KDM4B: variants seen among roughly 807,000 people sequenced by gnomAD.
KDM4B encodes lysine-specific demethylase 4B.
Under a neutral mutation model 125.2 loss-of-function variants are expected in KDM4B, and 32 were observed. The ratio of observed to expected loss-of-function variants is 0.26; its 90% CI spans 0.19 to 0.34. The LOEUF (loss-of-function observed/expected upper bound fraction) is 0.34. KDM4B is among the 10% of genes least tolerant of loss of function. The pLI is 1.00. For synonymous variants in KDM4B, 721 were observed against 677.9 expected (o/e 1.06, Z -0.99); for missense variants, 1,190 against 1,577.7 (o/e 0.75, Z 4.16).
chr19:5,051,721 TC>T (rs2037230584), intron 6 of KDM4B, among the ~76,000 whole-genome samples: 1 of 152,234 alleles, frequency 6.6e-6, no homozygotes, highest in Non-Finnish European at 1.5e-5. Flanking sequence ...AGGGGGGTCA[TC>T]CTGCACCCAG....
chr19:5,152,350 G>A lies in KDM4B; in HGVS notation c.*839G>A, dbSNP rs2039963094. On this transcript the variant is annotated 3_prime_UTR_variant, in exon 23 of 23. Coordinates refer to ENST00000159111, the MANE Select transcript of KDM4B (RefSeq NM_015015.3). ...TTTGCAGAATAAACTCTCTCCTGGGGTTTGTCTATCTTTGTTTCTCTCACC... is the reference window on the plus strand; with the variant it reads ...TTTGCAGAATAAACTCTCTCCTGGGATTTGTCTATCTTTGTTTCTCTCACC... The A allele has an allele frequency of 6.6e-6, 1 of 152,226 alleles. No individual in the cohort carries two copies. Among genetic ancestry groups the A allele is most frequent in the Non-Finnish European group, 1.5e-5 (1 of 68,054 alleles). 9.4% of individuals were successfully genotyped at this position (152,226 alleles called of 1,614,324 possible). A position where few individuals can be genotyped will look rare whatever the true frequency, so the allele number is the denominator to read the frequency against.
chr19:5,129,933 C>A (rs185976843), intron 11 of KDM4B, among the ~76,000 whole-genome samples: 2 of 152,332 alleles, frequency 1.3e-5, no homozygotes, highest in Admixed American at 6.5e-5. Context: ...GGGATTGCCC[C>A]GGCACGAGCT....
intron 21 of KDM4B, among the ~76,000 whole-genome samples, chr19:5,146,584 A>G (rs1345730806): frequency 2.6e-5 from 4 of 152,162 alleles, no homozygotes; most frequent in Non-Finnish European, 5.9e-5. Context: ...CAGCAGCAAA[A>G]GAGAATAATC....
rs186660628 is a variant in KDM4B, at chr19:5,115,703, C to T, written c.1116-3950C>T. ...AGTGAGTGCAGGGCCCTGGAGTGGGCCGGGACTTTGCATTATGGAAAAAGA... is the reference window on the plus strand; with the variant it reads ...AGTGAGTGCAGGGCCCTGGAGTGGGTCGGGACTTTGCATTATGGAAAAAGA... On this transcript the variant is annotated intron_variant, in intron 10 of 22. Coordinates refer to ENST00000159111, the MANE Select transcript of KDM4B (RefSeq NM_015015.3). The surrounding 1 kb of genome is among the most constrained non-coding windows in gnomAD (Gnocchi z 4.2). Among the ~76,000 whole-genome samples the T allele has an allele frequency of 1.2e-3, 183 of 152,314 alleles. No individual in the cohort carries two copies. The highest frequency in any genetic ancestry group is 2.0e-3 in the Non-Finnish European group (133 of 68,018).
intron 9 of KDM4B, among the ~76,000 whole-genome samples, chr19:5,101,028 C>G (rs544978949): frequency 6.6e-6 from 1 of 151,038 alleles, no homozygotes; most frequent in Non-Finnish European, 1.5e-5. Context: ...CAAGACCAGC[C>G]TGGCCAACAT....
intron 1 of KDM4B, among the ~76,000 whole-genome samples, chr19:5,007,027 C>T (rs931158812): frequency 5.3e-5 from 8 of 152,112 alleles, no homozygotes; most frequent in Admixed American, 1.3e-4. Flanking sequence ...TGGTGAGGAC[C>T]AGGCGCAGAC....
chr19:5,063,843 C>T (rs558979599), intron 6 of KDM4B, among the ~76,000 whole-genome samples: 1 of 152,372 alleles, frequency 6.6e-6, no homozygotes, highest in East Asian at 1.9e-4. Flanking sequence ...CTGTGTGTCC[C>T]TGGCCCGGTC....
intron 7 of KDM4B, among the ~76,000 whole-genome samples, chr19:5,072,249 G>A (rs898805154): frequency 6.6e-6 from 1 of 152,180 alleles, no homozygotes; most frequent in Non-Finnish European, 1.5e-5. Flanking sequence ...GGAAATAAGG[G>A]TCTCCTGTCC....
At position 5,099,089 on chromosome 19, in the gene KDM4B, G is replaced by A. The variant is rs575820223; in HGVS notation, c.919-11533G>A. Among the ~76,000 whole-genome samples the A allele has an allele frequency of 1.4e-4, 22 of 152,308 alleles. No individual in the cohort carries two copies. In the South Asian group the frequency reaches 3.1e-3, roughly 22 times the overall value. ...AACCTGGTCACATAGAACAACCTCC[G>A]GTTCCAGTAGTGCTGGGCACACACT... On this transcript the variant is annotated intron_variant, in intron 9 of 22. Transcript: ENST00000159111.
In KDM4B at chr19:5,047,677, T is replaced by TCTA. The variant is rs1225819901; in HGVS notation, c.626+10_626+11insACT. 6.2e-7 allele frequency: 1 copy of TCTA among 1,612,838 alleles called. No homozygotes were observed. The highest frequency in any genetic ancestry group is 1.7e-5 in the Admixed American group (1 of 59,982). ...TGGGGAGCCTAAGTCCTGGTGAGTG[T>TCTA]CTGCACTGGCCCTGCCGCCGGCCGG... is the stretch of plus-strand genomic sequence containing the variant. On this transcript the variant is annotated intron_variant, in intron 6 of 22. Transcript: ENST00000159111.
At position 5,127,420 on chromosome 19, in the gene KDM4B, G is replaced by C. The variant is rs964829752; in HGVS notation, c.1316-3656G>C. Among the ~76,000 whole-genome samples the C allele has an allele frequency of 3.3e-5, 5 of 152,202 alleles. No individual in the cohort carries two copies. The South Asian group carries it at 6.2e-4, about 19-fold the overall frequency. ...AACAGGGTCCCCTGTGTGTCTGCCC[G>C]GGCTTCACTGAGCCTGGGAGCCGAC... On this transcript the variant is annotated intron_variant, in intron 11 of 22. Transcript: ENST00000159111.
At chr19:5,111,917 A>G (rs1036078993) in intron 10 of KDM4B, 21 of 726,046 alleles carry the variant, frequency 2.9e-5, no homozygotes, top group Non-Finnish European at 4.6e-5. Context: ...TGATTTTTAC[A>G]TGCTACCAAA....
At chr19:5,098,915 G>A (rs1438008688) in intron 9 of KDM4B, among the ~76,000 whole-genome samples, 1 of 152,214 alleles carries the variant, frequency 6.6e-6, no homozygotes, top group African/African-American at 2.4e-5. Flanking sequence ...ATGGTATTTT[G>A]TTTCAATAAT....
At chr19:5,004,539 G>A (rs920309036) in intron 1 of KDM4B, among the ~76,000 whole-genome samples, 2 of 152,172 alleles carry the variant, frequency 1.3e-5, no homozygotes, top group Non-Finnish European at 2.9e-5. Flanking sequence ...GTCTGGGGAC[G>A]CTCGGCAGTG....
At chr19:5,110,505 G>A in intron 9 of KDM4B, 117 bp from the exon 10 acceptor site, 1 of 898,476 alleles carries the variant, frequency 1.1e-6, no homozygotes, top group East Asian at 2.5e-5. Flanking sequence ...GGAATGCTCA[G>A]CGGTGGGATG....
intron 9 of KDM4B, among the ~76,000 whole-genome samples, chr19:5,103,476 G>A (rs1224468056): frequency 6.6e-6 from 1 of 152,202 alleles, no homozygotes; most frequent in African/African-American, 2.4e-5. Context: ...ATATCGGGCT[G>A]TCGGACGCGT....
intron 3 of KDM4B, among the ~76,000 whole-genome samples, chr19:5,036,969 C>T (rs1476661751): frequency 1.3e-5 from 2 of 152,202 alleles, no homozygotes; most frequent in Non-Finnish European, 2.9e-5. Flanking sequence ...GCGCAGACAC[C>T]GTGGGGGTGT....
intron 2 of KDM4B, among the ~76,000 whole-genome samples, chr19:5,028,347 G>T (rs1473011313): frequency 6.6e-6 from 1 of 152,208 alleles, no homozygotes; most frequent in African/African-American, 2.4e-5. Context: ...ACGGCCTTTT[G>T]TGTCTGGCTT....
At chr19:4,992,034 A>G (rs2035046782) in intron 1 of KDM4B, among the ~76,000 whole-genome samples, 2 of 152,028 alleles carry the variant, frequency 1.3e-5, no homozygotes, top group South Asian at 4.1e-4. Flanking sequence ...CGATTTTAGC[A>G]ATTTGAGTTC....
Sources: gnomAD v4.1 joint callset for allele counts (sites outside exome capture counted in the v4.1 genomes callset) on GRCh38, gnomAD v4.1.1 for gene constraint, Gnocchi (gnomAD v3.1) non-coding constraint, MANE v1.5 for transcripts, NCBI Gene and HGNC (gene_info 2026-07-23, HGNC 2026-07-21) for gene names.